UBE3B: variants seen among roughly 807,000 people sequenced by gnomAD.
UBE3B encodes the protein ubiquitin protein ligase E3B.
A neutral mutation model predicts 132.3 loss-of-function variants in UBE3B; 80 were observed. The ratio of observed to expected loss-of-function variants is 0.60; its 90% CI spans 0.50 to 0.73. The LOEUF is 0.73. Among genes scored for constraint, UBE3B ranks in the 30% least tolerant of loss-of-function variants. The pLI, the probability that UBE3B is intolerant of heterozygous loss-of-function variation, is 0.00. For missense variants in UBE3B, 1,196 were observed against 1,362.5 expected, an observed-to-expected ratio of 0.88 and a Z score of 1.92; for synonymous variants, 487 against 520.4, an observed-to-expected ratio of 0.94 and a Z score of 0.87.
intron 27 of UBE3B, chr12:109,533,812 G>T (rs1387686798): frequency 9.9e-6 from 9 of 912,328 alleles, no homozygotes; most frequent in Non-Finnish European, 1.5e-5. Flanking sequence ...TACCTGGAGT[G>T]GGGGTGGGTA....
the UBE3B span, among the ~76,000 whole-genome samples, chr12:109,542,687 C>G: frequency 2.6e-5 from 4 of 152,136 alleles, no homozygotes; most frequent in African/African-American, 9.7e-5. Context: ...AAGTGGGGAA[C>G]CTTCAGGCCA....
At chr12:109,530,224 G>C in intron 25 of UBE3B, 152 bp downstream of exon 25, 1 of 956,072 alleles carries the variant, frequency 1.0e-6, no homozygotes, top group Admixed American at 2.8e-5. Context: ...TGGATTAAAA[G>C]CTTGACCACT....
Position 109,535,492 on chromosome 12 carries a change from A to G in UBE3B, c.*710A>G, listed in dbSNP as rs4766609. On this transcript the variant is annotated 3_prime_UTR_variant, in exon 28 of 28. Coordinates refer to ENST00000342494, the MANE Select transcript of UBE3B (RefSeq NM_130466.4). ...GTCTTCCCGGACCTATTCCCGTCCTATGCATTCACATTGGCATCCTGGTTT... is the reference window on the plus strand; with the variant it reads ...GTCTTCCCGGACCTATTCCCGTCCTGTGCATTCACATTGGCATCCTGGTTT... The G allele has an allele frequency of 0.17, 25,780 of 152,324 alleles. 2,239 individuals carry two copies. The highest frequency in any genetic ancestry group is 0.18 in the African/African-American group (7,645 of 41,570). 9.4% of individuals were successfully genotyped at this position (152,324 alleles called of 1,614,324 possible).
intron 24 of UBE3B, 61 bp downstream of exon 24, chr12:109,526,477 G>A: frequency 6.6e-7 from 1 of 1,513,374 alleles, no homozygotes; most frequent in South Asian, 1.1e-5. Context: ...CTGGCTCTCT[G>A]CGCTTATGTT....
chr12:109,533,459 G>A lies in UBE3B; in HGVS notation c.2923-7G>A, dbSNP rs1203515003. The A allele has an allele frequency of 1.9e-6, 3 of 1,613,952 alleles. No homozygotes were observed. The highest frequency in any genetic ancestry group is 2.5e-6 in the Non-Finnish European group (3 of 1,179,860). On this transcript the variant is annotated splice_region_variant and splice_polypyrimidine_tract_variant and intron_variant, in intron 26 of 27. Coordinates refer to ENST00000342494, the MANE Select transcript of UBE3B (RefSeq NM_130466.4). ...CCCGTCCCCACTGACCCTGCTTTGT[G>A]TTGCAGTTCGTGACCAGCTGCTCCA...
chr12:109,501,919 C>T (rs1246885520), intron 13 of UBE3B, among the ~76,000 whole-genome samples: 1 of 152,036 alleles, frequency 6.6e-6, no homozygotes. Context: ...CTACCTCAGC[C>T]TCCCAAAGTG....
At chr12:109,500,667 T>TCTC (rs1878866167) in intron 12 of UBE3B, among the ~76,000 whole-genome samples, 1 of 152,180 alleles carries the variant, frequency 6.6e-6, no homozygotes, top group Admixed American at 6.5e-5. Context: ...GACAGCCTGC[T>TCTC]CTCCGCTCCA....
rs545877509 is a variant in UBE3B at position 109,497,189 on chromosome 12, T to G, written c.714-629T>G. Among the ~76,000 whole-genome samples, 12 of 152,128 alleles carry G rather than the reference T, an allele frequency of 7.9e-5. No homozygotes were observed. In the South Asian group the frequency reaches 2.5e-3, roughly 32 times the overall value. On this transcript the variant is annotated intron_variant, in intron 9 of 27. Transcript: ENST00000342494. ...GAAAAACATAAAAAAGAAAAAAATT[T>G]CTCATAATTCTACAACCAGAGATAC...
chr12:109,491,200 G>C, intron 9 of UBE3B, 73 bp downstream of exon 9: 1 of 1,443,470 alleles, frequency 6.9e-7, no homozygotes, highest in Non-Finnish European at 9.7e-7. Flanking sequence ...TCTTTCTCTC[G>C]TTACTGGTAT....
At chr12:109,491,216 A>G in intron 9 of UBE3B, 89 bp downstream of exon 9, 1 of 1,238,158 alleles carries the variant, frequency 8.1e-7, no homozygotes, top group Non-Finnish European at 1.1e-6. Flanking sequence ...GGTATTAGGT[A>G]TAGACTTGCC....
intron 18 of UBE3B, among the ~76,000 whole-genome samples, chr12:109,513,259 C>A (rs1004466584): frequency 6.6e-6 from 1 of 152,114 alleles, no homozygotes; most frequent in African/African-American, 2.4e-5. Flanking sequence ...ATCGTCTAGA[C>A]CCTCCGCTCT....
chr12:109,499,541 A>T, intron 11 of UBE3B, 92 bp from the exon 12 acceptor site: 1 of 1,270,850 alleles, frequency 7.9e-7, no homozygotes, highest in Non-Finnish European at 1.0e-6. Flanking sequence ...TGCACATGGG[A>T]TGTGGCCGCC....
chr12:109,525,095 G>A lies in UBE3B; in HGVS notation c.2568+592G>A, dbSNP rs1172455235. Among the ~76,000 whole-genome samples the A allele has an allele frequency of 3.9e-5, 6 of 152,102 alleles. No individual in the cohort carries two copies. In the South Asian group the frequency reaches 6.2e-4, roughly 16 times the overall value. On this transcript the variant is annotated intron_variant, in intron 23 of 27. Coordinates refer to ENST00000342494, the MANE Select transcript of UBE3B (RefSeq NM_130466.4). ...GCCATGAGCTTCTTAATGCAGAGCC[G>A]ACTTATTAGACTCGCGCTTGGGCAC...
intron 15 of UBE3B, 71 bp downstream of exon 15, chr12:109,507,806 G>A: frequency 6.6e-7 from 1 of 1,512,486 alleles, no homozygotes; most frequent in Non-Finnish European, 9.0e-7. Context: ...TGTCAGTAAG[G>A]AAGTAATTGC....
At chr12:109,486,372 G>A in intron 5 of UBE3B, 99 bp from the exon 6 acceptor site, 2 of 963,178 alleles carry the variant, frequency 2.1e-6, no homozygotes, top group Non-Finnish European at 1.6e-6. Flanking sequence ...TGCTTTATCT[G>A]GCACTGGACC....
At chr12:109,539,360 GT>G (rs1397217401), downstream of UBE3B, among the ~76,000 whole-genome samples, 1 of 152,240 alleles carries the variant, frequency 6.6e-6, no homozygotes, top group African/African-American at 2.4e-5. Context: ...CATCCTGACT[GT>G]TACACTTGTT....
chr12:109,486,492 T>C lies in UBE3B; in HGVS notation c.364T>C (p.Cys122Arg). The C allele has an allele frequency of 6.2e-7, 1 of 1,611,694 alleles. No homozygotes were observed. The highest frequency in any genetic ancestry group is 8.5e-7 in the Non-Finnish European group (1 of 1,179,312). The change falls in exon 6 of 28, where the codon TGT becomes CGT. Residue 122 changes from cysteine to arginine, a missense_variant. Transcript: ENST00000342494. Reference protein sequence around the residue: ...EPKVWYVSLACSKDLTLLWIQ... With the variant: ...EPKVWYVSLARSKDLTLLWIQ... ...ATAGGTGTGGTATGTGTCCCTGGCT[T>C]GTTCTAAGGACCTCACCCTCCTTTG...
intron 23 of UBE3B, among the ~76,000 whole-genome samples, chr12:109,525,971 G>T (rs1882289205): frequency 6.6e-6 from 1 of 152,078 alleles, no homozygotes; most frequent in African/African-American, 2.4e-5. Context: ...TACATCAGTG[G>T]CCTTTTTTCA....
Position 109,534,867 on chromosome 12 carries a change from C to A in UBE3B, c.*85C>A. 2 of 1,221,568 alleles carry A rather than the reference C, an allele frequency of 1.6e-6. No individual in the cohort carries two copies. Among genetic ancestry groups the A allele is most frequent in the Non-Finnish European group, 2.2e-6 (2 of 892,136 alleles). 75.7% of individuals were successfully genotyped at this position (1,221,568 alleles called of 1,614,324 possible). A position where few individuals can be genotyped will look rare whatever the true frequency, so the allele number is the denominator to read the frequency against. On this transcript the variant is annotated 3_prime_UTR_variant, in exon 28 of 28. Coordinates refer to ENST00000342494, the MANE Select transcript of UBE3B (RefSeq NM_130466.4). This position sits in a 1 kb window ranked among gnomAD's most constrained non-coding sequence, Gnocchi z 5.2. ...GGCAGTGTGGTCCTGGGAATGTGAC[C>A]AACATGCCAGGTGACATTGGCCCCT...
Sources: gnomAD v4.1 joint callset for allele counts (sites outside exome capture counted in the v4.1 genomes callset) on GRCh38, gnomAD v4.1.1 for gene constraint, Gnocchi (gnomAD v3.1) non-coding constraint, MANE v1.5 for transcripts, NCBI Gene and HGNC (gene_info 2026-07-23, HGNC 2026-07-21) for gene names.